MAP2K5: variants seen among roughly 807,000 people sequenced by gnomAD.
The protein encoded by MAP2K5 is mitogen-activated protein kinase kinase 5, also known as dual specificity mitogen-activated protein kinase kinase 5.
MAP2K5 carries 49 observed loss-of-function variants against 83.1 expected under a neutral mutation model. The observed-to-expected ratio is 0.59, with a 90% CI of 0.47 to 0.75. The LOEUF (loss-of-function observed/expected upper bound fraction) is 0.75, where lower values mean the gene tolerates loss of function less well. Ranked by LOEUF, MAP2K5 falls within the 30% of genes least tolerant of loss-of-function variation. The pLI is 0.00. For missense variants in MAP2K5, 457 were observed against 557.5 expected, an observed-to-expected ratio of 0.82 and a Z score of 1.82; for synonymous variants, 202 against 191.8, an observed-to-expected ratio of 1.05 and a Z score of -0.44.
At position 67,770,391 on chromosome 15, in the gene MAP2K5, CAT is replaced by C. The variant is rs757229094; in HGVS notation, c.1196+729_1196+730del. ...CCCTCTTCCCTCGTCCTGCAGGACT[CAT>C]GTGGCCTTGGGAGGCCCAGGTATTC... On this transcript the variant is annotated intron_variant, in intron 20 of 21. Coordinates refer to ENST00000178640, the MANE Select transcript of MAP2K5 (RefSeq NM_145160.3). The surrounding 1 kb of genome is among the most constrained non-coding windows in gnomAD (Gnocchi z 5.0). Among the ~76,000 whole-genome samples, 3 of 152,200 alleles carry C rather than the reference CAT, an allele frequency of 2.0e-5. No homozygotes were observed. Among genetic ancestry groups the C allele is most frequent in the African/African-American group, 4.8e-5 (2 of 41,450 alleles).
In MAP2K5 at chr15:67,775,038, C is replaced by T. The variant is rs1480932759; in HGVS notation, c.1242+2286C>T. Among the ~76,000 whole-genome samples the T allele has an allele frequency of 6.6e-6, 1 of 152,168 alleles. No homozygotes were observed. The highest frequency in any genetic ancestry group is 2.4e-5 in the African/African-American group (1 of 41,438). On this transcript the variant is annotated intron_variant, in intron 21 of 21. Coordinates refer to ENST00000178640, the MANE Select transcript of MAP2K5 (RefSeq NM_145160.3). This position sits in a 1 kb window ranked among gnomAD's most constrained non-coding sequence, Gnocchi z 5.3. ...ACAGCAAGTCTCAGCCTAAGTAAATCAGAATGTAGGACTGGTGGGCTAGAT... is the reference window on the plus strand; with the variant it reads ...ACAGCAAGTCTCAGCCTAAGTAAATTAGAATGTAGGACTGGTGGGCTAGAT...
At chr15:67,745,535 A>G (rs1013953489) in intron 17 of MAP2K5, among the ~76,000 whole-genome samples, 2 of 152,242 alleles carry the variant, frequency 1.3e-5, no homozygotes, top group African/African-American at 4.8e-5. Context: ...AAGGTAAACA[A>G]CAAAGAGTTT....
intron 21 of MAP2K5, among the ~76,000 whole-genome samples, chr15:67,784,452 A>G (rs1032224007): frequency 6.6e-6 from 1 of 152,238 alleles, no homozygotes; most frequent in African/African-American, 2.4e-5. Context: ...CCCCTGTAGG[A>G]TGCTTTGCTC....
In MAP2K5 at chr15:67,676,324, G is replaced by C. The variant is rs75083417; in HGVS notation, c.847+11679G>C. ...TGGATATTTGTTGGATGAATACATTGAATCATAATTTTCTGAGGGCAGTGT... is the reference window on the plus strand; with the variant it reads ...TGGATATTTGTTGGATGAATACATTCAATCATAATTTTCTGAGGGCAGTGT... On this transcript the variant is annotated intron_variant, in intron 13 of 21. Coordinates refer to ENST00000178640, the MANE Select transcript of MAP2K5 (RefSeq NM_145160.3). The surrounding 1 kb of genome is among the most constrained non-coding windows in gnomAD (Gnocchi z 4.8). 1.5e-3 allele frequency among the ~76,000 whole-genome samples: 225 copies of C among 152,266 alleles called. No individual in the cohort carries two copies. Among genetic ancestry groups the C allele is most frequent in the African/African-American group, 5.1e-3 (210 of 41,552 alleles).
chr15:67,607,105 C>G (rs2085794385), intron 8 of MAP2K5, among the ~76,000 whole-genome samples: 1 of 152,122 alleles, frequency 6.6e-6, no homozygotes, highest in East Asian at 1.9e-4. Context: ...GACCTGAGAG[C>G]TAGAATGATG....
intron 21 of MAP2K5, among the ~76,000 whole-genome samples, chr15:67,773,362 T>G (rs2090177824): frequency 6.6e-6 from 1 of 152,170 alleles, no homozygotes. Context: ...GATTGTTGAT[T>G]TGACAATGCA....
chr15:67,689,899 G>T (rs768368518), intron 13 of MAP2K5, among the ~76,000 whole-genome samples: 1 of 152,144 alleles, frequency 6.6e-6, no homozygotes, highest in Non-Finnish European at 1.5e-5. Flanking sequence ...CTTAAGAATG[G>T]TTTAGGGCAA....
rs1366142465 is a variant in MAP2K5 at position 67,719,669 on chromosome 15, G to A, written c.1045-8247G>A. On this transcript the variant is annotated intron_variant, in intron 16 of 21. Transcript: ENST00000178640. The surrounding 1 kb of genome is among the most constrained non-coding windows in gnomAD (Gnocchi z 4.6). ...AACTCCTGACAGAAGAGGAGAAAAG[G>A]AGGAACAATTTGAATCAAGTCCTGA... 6.6e-6 allele frequency among the ~76,000 whole-genome samples: 1 copy of A among 152,196 alleles called. No individual in the cohort carries two copies. The highest frequency in any genetic ancestry group is 1.5e-5 in the Non-Finnish European group (1 of 68,024).
At chr15:67,784,886 C>T (rs940304490) in intron 21 of MAP2K5, among the ~76,000 whole-genome samples, 5 of 152,266 alleles carry the variant, frequency 3.3e-5, no homozygotes, top group African/African-American at 1.2e-4. Flanking sequence ...TGAGCACATT[C>T]GTGTTTAGCT....
intron 17 of MAP2K5, among the ~76,000 whole-genome samples, chr15:67,743,603 A>G (rs1273919968): frequency 1.3e-5 from 2 of 152,154 alleles, no homozygotes; most frequent in African/African-American, 2.4e-5. Flanking sequence ...GTACTAGGCA[A>G]TGTATATAAA....
Position 67,600,719 on chromosome 15 carries a change from T to C in MAP2K5, c.515T>C (p.Leu172Pro), listed in dbSNP as rs1239054483. The C allele has an allele frequency of 1.9e-6, 3 of 1,609,066 alleles. No homozygotes were observed. Among genetic ancestry groups the C allele is most frequent in the South Asian group, 2.2e-5 (2 of 90,404 alleles). The change falls in exon 8 of 22, where the codon CTT becomes CCT. Residue 172 changes from leucine to proline, a missense_variant. Leu to Pro is a moderately conservative substitution (Grantham distance 98, BLOSUM62 -3). Coordinates refer to ENST00000178640, the MANE Select transcript of MAP2K5 (RefSeq NM_145160.3). Reference protein sequence around the residue: ...NEQDIRYRDTLGHGNGGTVYK... With the variant: ...NEQDIRYRDTPGHGNGGTVYK... ...CAAGACATACGATATCGGGACACTCTTGGTCATGGCAACGGAGGCACAGTC... is the reference window on the plus strand; with the variant it reads ...CAAGACATACGATATCGGGACACTCCTGGTCATGGCAACGGAGGCACAGTC...
At chr15:67,664,367 G>T (rs2087317957) in intron 12 of MAP2K5, among the ~76,000 whole-genome samples, 1 of 145,172 alleles carries the variant, frequency 6.9e-6, no homozygotes, top group South Asian at 2.2e-4. Context: ...TAGGCATGAT[G>T]GTGCACACCT....
At chr15:67,732,206 A>G (rs541766768) in intron 17 of MAP2K5, among the ~76,000 whole-genome samples, 2 of 152,352 alleles carry the variant, frequency 1.3e-5, no homozygotes, top group East Asian at 1.9e-4. Context: ...TTAATCATGT[A>G]GATCCAAATT....
chr15:67,566,847 T>C (rs1003781235), intron 3 of MAP2K5, among the ~76,000 whole-genome samples: 3 of 152,246 alleles, frequency 2.0e-5, no homozygotes, highest in Non-Finnish European at 2.9e-5. Flanking sequence ...ACTAGCAGCC[T>C]GAGGCTGTTA....
chr15:67,768,854 G>A lies in MAP2K5; in HGVS notation c.1135-748G>A, dbSNP rs1209288707. ...TTGGAAAAACTCCTAAATTCTTAAA[G>A]CCTTCCTTTGCAAACGGTAATGGGG... On this transcript the variant is annotated intron_variant, in intron 19 of 21. Transcript: ENST00000178640. This position sits in a 1 kb window ranked among gnomAD's most constrained non-coding sequence, Gnocchi z 4.0. Among the ~76,000 whole-genome samples, 1 of 152,148 alleles carries A rather than the reference G, an allele frequency of 6.6e-6. No homozygotes were observed. The highest frequency in any genetic ancestry group is 1.5e-5 in the Non-Finnish European group (1 of 68,016).
chr15:67,671,195 G>A (rs1346779133), intron 13 of MAP2K5, among the ~76,000 whole-genome samples: 7 of 152,134 alleles, frequency 4.6e-5, no homozygotes, highest in African/African-American at 1.7e-4. Flanking sequence ...AGTGTGACCT[G>A]TTGATAAGGT....
chr15:67,598,074 G>T (rs1017979648), intron 7 of MAP2K5, among the ~76,000 whole-genome samples: 1 of 151,772 alleles, frequency 6.6e-6, no homozygotes, highest in African/African-American at 2.4e-5. Flanking sequence ...GCATGGTGGC[G>T]TGTGCCTGTA....
intron 17 of MAP2K5, among the ~76,000 whole-genome samples, chr15:67,741,714 C>G (rs1377763525): frequency 6.6e-6 from 1 of 151,828 alleles, no homozygotes; most frequent in Non-Finnish European, 1.5e-5. Context: ...AGAGGGCAAC[C>G]AAAATACCAA....
Position 67,561,933 on chromosome 15 carries a change from A to G in MAP2K5, c.185-1350A>G. ...CTGTGTTGAACTGAACTCCCTCTGT[A>G]CTTTCAGTAAGCATCCCCTGACCAT... On this transcript the variant is annotated intron_variant, in intron 2 of 21. Coordinates refer to ENST00000178640, the MANE Select transcript of MAP2K5 (RefSeq NM_145160.3). This position sits in a 1 kb window ranked among gnomAD's most constrained non-coding sequence, Gnocchi z 4.2. Among the ~76,000 whole-genome samples the G allele has an allele frequency of 6.6e-6, 1 of 152,126 alleles. No individual in the cohort carries two copies. The highest frequency in any genetic ancestry group is 6.5e-5 in the Admixed American group (1 of 15,280).
Sources: gnomAD v4.1 joint callset for allele counts (sites outside exome capture counted in the v4.1 genomes callset) on GRCh38, gnomAD v4.1.1 for gene constraint, Gnocchi (gnomAD v3.1) non-coding constraint, MANE v1.5 for transcripts, NCBI Gene and HGNC (gene_info 2026-07-23, HGNC 2026-07-21) for gene names.